Variants in DEPDC1B observed in about 807,000 individuals in gnomAD.
DEPDC1B encodes the protein DEP domain containing 1B.
DEPDC1B carries 51 observed loss-of-function variants against 66.5 expected under a neutral mutation model. The ratio of observed to expected loss-of-function variants is 0.77; its 90% CI spans 0.61 to 0.97. The LOEUF (loss-of-function observed/expected upper bound fraction) is 0.97. Among genes scored for constraint, DEPDC1B ranks in the 50% least tolerant of loss-of-function variants. The pLI is 0.00. For missense variants in DEPDC1B, 552 were observed against 637.1 expected, an observed-to-expected ratio of 0.87 and a Z score of 1.44; for synonymous variants, 226 against 223.6, an observed-to-expected ratio of 1.01 and a Z score of -0.10.
At chr5:60,638,068 A>G (rs1255353051) in intron 7 of DEPDC1B, among the ~76,000 whole-genome samples, 1 of 152,230 alleles carries the variant, frequency 6.6e-6, no homozygotes, top group Non-Finnish European at 1.5e-5. Context: ...ATACCCACAC[A>G]ATAATTTCAT....
chr5:60,628,967 G>A (rs1379888211), intron 7 of DEPDC1B, among the ~76,000 whole-genome samples: 2 of 152,182 alleles, frequency 1.3e-5, no homozygotes, highest in African/African-American at 4.8e-5. Context: ...TTATCCTAGT[G>A]ATCACTGATA....
chr5:60,603,263 A>G, intron 9 of DEPDC1B, 128 bp downstream of exon 9: 1 of 795,900 alleles, frequency 1.3e-6, no homozygotes. Flanking sequence ...ATGTGCCAAG[A>G]CCTGTTGTAA....
At chr5:60,621,251 C>A (rs934270676) in intron 7 of DEPDC1B, among the ~76,000 whole-genome samples, 5 of 151,192 alleles carry the variant, frequency 3.3e-5, no homozygotes, top group African/African-American at 1.2e-4. Context: ...AACAAACCTG[C>A]ATGTTGTGCA....
intron 1 of DEPDC1B, chr5:60,688,984 C>T (rs1160401163): frequency 2.2e-6 from 1 of 455,988 alleles, no homozygotes; most frequent in Non-Finnish European, 4.4e-6. Context: ...GCCATGCTCA[C>T]CACACAATGA....
At chr5:60,645,218 C>T (rs1753284118) in intron 4 of DEPDC1B, among the ~76,000 whole-genome samples, 1 of 152,128 alleles carries the variant, frequency 6.6e-6, no homozygotes, top group Non-Finnish European at 1.5e-5. Flanking sequence ...TGATTGTTAA[C>T]TTTATACATA....
intron 7 of DEPDC1B, among the ~76,000 whole-genome samples, chr5:60,612,306 C>G (rs1215901118): frequency 2.6e-5 from 4 of 151,750 alleles, no homozygotes; most frequent in African/African-American, 4.8e-5. Flanking sequence ...GCCTGTCGTC[C>G]CAGCTATTTG....
rs1753523353 is a variant in DEPDC1B, at chr5:60,654,145, G to T, written c.315-6612C>A. 1.3e-5 allele frequency among the ~76,000 whole-genome samples: 2 copies of T among 149,086 alleles called. 1 individual carries two copies. The highest frequency in any genetic ancestry group is 5.1e-5 in the African/African-American group (2 of 39,528). On this transcript the variant is annotated intron_variant, in intron 2 of 10. Coordinates refer to ENST00000265036, the MANE Select transcript of DEPDC1B (RefSeq NM_018369.3). ...TGTTTTTACTAGTTCTGTGAAGAATGATGGTGGTATATTAATGGGAATTGC... is the reference window on the plus strand; with the variant it reads ...TGTTTTTACTAGTTCTGTGAAGAATTATGGTGGTATATTAATGGGAATTGC...
At chr5:60,666,928 C>T (rs376737144) in intron 2 of DEPDC1B, among the ~76,000 whole-genome samples, 2 of 152,182 alleles carry the variant, frequency 1.3e-5, no homozygotes, top group African/African-American at 4.8e-5. Context: ...ACTGACACCA[C>T]CTTTATTGGA....
At chr5:60,640,586 C>A (rs1287810377) in intron 6 of DEPDC1B, among the ~76,000 whole-genome samples, 1 of 152,010 alleles carries the variant, frequency 6.6e-6, no homozygotes, top group African/African-American at 2.4e-5. Flanking sequence ...CCTGGACATG[C>A]GCAAAGAAGA....
At chr5:60,627,137 G>A (rs1000252486) in intron 7 of DEPDC1B, among the ~76,000 whole-genome samples, 5 of 152,074 alleles carry the variant, frequency 3.3e-5, no homozygotes, top group Admixed American at 3.3e-4. Context: ...GAAATGCTTA[G>A]ATTCTAAAAA....
At chr5:60,617,072 C>G (rs1442925644) in intron 7 of DEPDC1B, among the ~76,000 whole-genome samples, 1 of 152,098 alleles carries the variant, frequency 6.6e-6, no homozygotes, top group Non-Finnish European at 1.5e-5. Context: ...AAATCCTTTA[C>G]AGACAAGCAA....
intron 2 of DEPDC1B, among the ~76,000 whole-genome samples, chr5:60,649,422 C>T (rs1753391948): frequency 6.6e-6 from 1 of 152,220 alleles, no homozygotes; most frequent in Admixed American, 6.5e-5. Context: ...GTAATATCTG[C>T]AGTTACCAAT....
intron 8 of DEPDC1B, among the ~76,000 whole-genome samples, chr5:60,603,988 AT>A (rs557966308): frequency 3.3e-5 from 5 of 151,800 alleles, no homozygotes; most frequent in African/African-American, 1.2e-4. Flanking sequence ...TTCATTATTG[AT>A]TTGTTTTAAA....
intron 10 of DEPDC1B, among the ~76,000 whole-genome samples, chr5:60,598,656 T>C (rs1195351754): frequency 6.6e-6 from 1 of 152,190 alleles, no homozygotes; most frequent in Non-Finnish European, 1.5e-5. Context: ...AATTTGATAG[T>C]GGCTATCTAA....
chr5:60,608,410 C>T (rs1279414957), intron 7 of DEPDC1B, among the ~76,000 whole-genome samples: 1 of 149,996 alleles, frequency 6.7e-6, no homozygotes, highest in Admixed American at 6.7e-5. Flanking sequence ...CAGATAAACA[C>T]TCAAATACCT....
intron 2 of DEPDC1B, among the ~76,000 whole-genome samples, chr5:60,677,900 G>A (rs375347697): frequency 1.3e-5 from 2 of 152,106 alleles, no homozygotes; most frequent in African/African-American, 4.8e-5. Flanking sequence ...AAAAACAAAA[G>A]ATGTCCACTA....
intron 7 of DEPDC1B, among the ~76,000 whole-genome samples, chr5:60,618,436 T>TA (rs1248909971): frequency 6.6e-6 from 1 of 151,728 alleles, no homozygotes; most frequent in African/African-American, 2.4e-5. Context: ...ATAGATGCAA[T>TA]AAAAAATGAT....
intron 10 of DEPDC1B, among the ~76,000 whole-genome samples, chr5:60,598,486 G>A (rs1166907202): frequency 1.3e-5 from 2 of 151,962 alleles, no homozygotes; most frequent in African/African-American, 4.8e-5. Flanking sequence ...GTAGAGTTCA[G>A]TCTTTAAAAA....
At chr5:60,630,574 A>T (rs1318395762) in intron 7 of DEPDC1B, 1 of 152,354 alleles carries the variant, frequency 6.6e-6, no homozygotes, top group African/African-American at 2.4e-5. Context: ...AACAAAACAA[A>T]GAAGCAGAAA....
Sources: allele counts gnomAD v4.1 joint callset (sites outside exome capture counted in the v4.1 genomes callset), GRCh38; gene constraint gnomAD v4.1.1; transcripts MANE v1.5; gene names NCBI Gene and HGNC (gene_info 2026-07-23, HGNC 2026-07-21).